The following PARP14 variants were observed in gnomAD, a reference collection of about 807,000 sequenced individuals.
PARP14 encodes the protein protein mono-ADP-ribosyltransferase PARP14.
PARP14 carries 59 observed loss-of-function variants against 154.2 expected under a neutral mutation model. The ratio of observed to expected loss-of-function variants is 0.38; its 90% confidence interval spans 0.31 to 0.48. The LOEUF (loss-of-function observed/expected upper bound fraction) is 0.48. PARP14 is among the 20% of genes least tolerant of loss of function. The pLI, the probability that PARP14 is intolerant of heterozygous loss-of-function variation, is 0.98. For missense variants in PARP14, 1,734 were observed against 2,131.6 expected (o/e 0.81, Z 3.67); for synonymous variants, 720 against 780.5 (o/e 0.92, Z 1.29).
intron 1 of PARP14, among the ~76,000 whole-genome samples, chr3:122,682,912 G>A (rs1171254811): frequency 1.3e-5 from 2 of 152,116 alleles, no homozygotes; most frequent in South Asian, 2.1e-4. Flanking sequence ...AAAATTAGCC[G>A]AGCGTGGTGG....
chr3:122,718,710 T>C lies in PARP14; in HGVS notation c.4559T>C (p.Leu1520Ser). Reference sequence around the variant, plus strand: ...GAGGCGATGATCAAGAGAGTTCGATTGGCCAAAGAACAGGAATCCCGGGCA... The same window carrying C: ...GAGGCGATGATCAAGAGAGTTCGATCGGCCAAAGAACAGGAATCCCGGGCA... ...EIEAMIKRVRLAKEQESRADC... is the reference protein window; with the variant it reads ...EIEAMIKRVRSAKEQESRADC... The change falls in exon 14 of 17, where the codon TTG (leucine) becomes TCG (serine). Residue 1520 changes from leucine (L) to serine (S), a missense_variant. Physicochemically the swap from Leu to Ser is moderately radical, Grantham distance 145 (BLOSUM62 -2). Around this residue, in one of 2 missense-constraint regions of PARP14, gnomAD observed 1,646 missense variants for 1,976.0 expected, o/e 0.83. Transcript: ENST00000474629. 2 of 1,613,568 alleles carry C rather than the reference T, an allele frequency of 1.2e-6. No homozygotes were observed. Among genetic ancestry groups the C allele is most frequent in the Non-Finnish European group, 1.7e-6 (2 of 1,179,670 alleles).
chr3:122,693,327 T>C (rs571925788), intron 4 of PARP14, among the ~76,000 whole-genome samples: 1 of 152,276 alleles, frequency 6.6e-6, no homozygotes, highest in South Asian at 2.1e-4. Context: ...AAGTACATTT[T>C]CCAATTCTAA....
At chr3:122,698,541 G>A (rs774424664) in intron 5 of PARP14, among the ~76,000 whole-genome samples, 2 of 152,184 alleles carry the variant, frequency 1.3e-5, no homozygotes, top group East Asian at 1.9e-4. Context: ...TGGTAGAGGG[G>A]CAAGAGGATG....
intron 15 of PARP14, chr3:122,720,730 C>G: frequency 4.3e-6 from 2 of 464,872 alleles, no homozygotes; most frequent in South Asian, 3.1e-5. Context: ...CTCCTTAGAT[C>G]AGGACCATGT....
intron 5 of PARP14, among the ~76,000 whole-genome samples, chr3:122,699,187 A>C (rs1181032592): frequency 6.6e-6 from 1 of 151,988 alleles, no homozygotes; most frequent in Non-Finnish European, 1.5e-5. Flanking sequence ...TACCAACATT[A>C]GTTTTTTTTA....
chr3:122,717,900 G>T (rs1933038058), intron 12 of PARP14, among the ~76,000 whole-genome samples, 171 bp from the exon 13 acceptor site: 2 of 152,180 alleles, frequency 1.3e-5, no homozygotes, highest in Admixed American at 1.3e-4. Context: ...ACACTTCATT[G>T]CATCTAGGAC....
Position 122,709,900 on chromosome 3 carries a change from TTTTG to T in PARP14, c.3619+1648_3619+1651del, listed in dbSNP as rs1553747538. On this transcript the variant is annotated intron_variant, in intron 9 of 16. Coordinates refer to ENST00000474629, the MANE Select transcript of PARP14 (RefSeq NM_017554.3). ...TTTTGATGGGATTATTTGTTTTTTT[TTTTG>T]TTTGTTTGTTTGTTTTTTCTTGCGA... Among the ~76,000 whole-genome samples the T allele has an allele frequency of 6.6e-3, 990 of 150,792 alleles. 3 individuals carry two copies. Among genetic ancestry groups the T allele is most frequent in the Non-Finnish European group, 9.4e-3 (636 of 67,602 alleles).
intron 3 of PARP14, 98 bp downstream of exon 3, chr3:122,687,211 A>C: frequency 1.2e-6 from 1 of 817,004 alleles, no homozygotes; most frequent in Non-Finnish European, 2.1e-6. Context: ...CTTGACTTCC[A>C]CTATGCAGGA....
intron 15 of PARP14, chr3:122,720,987 C>T (rs1158290260): frequency 6.1e-6 from 2 of 326,320 alleles, no homozygotes; most frequent in Non-Finnish European, 1.2e-5. Flanking sequence ...CATTTTTAAA[C>T]ATTTTTGATA....
At chr3:122,687,563 T>A (rs984765215) in intron 3 of PARP14, among the ~76,000 whole-genome samples, 3 of 152,214 alleles carry the variant, frequency 2.0e-5, no homozygotes, top group African/African-American at 2.4e-5. Context: ...TCTGTGAACA[T>A]AGGCTTTTGA....
chr3:122,688,612 C>T (rs1313191749), intron 3 of PARP14, among the ~76,000 whole-genome samples: 4 of 152,192 alleles, frequency 2.6e-5, no homozygotes, highest in African/African-American at 4.8e-5. Flanking sequence ...ACACTGATCC[C>T]TGACTATGGC....
intron 8 of PARP14, 111 bp downstream of exon 8, chr3:122,704,859 G>C: frequency 1.6e-6 from 1 of 638,686 alleles, no homozygotes. Context: ...ATTCAGGAAA[G>C]TAAGAAGGTA....
chr3:122,700,507 A>T lies in PARP14; in HGVS notation c.1953A>T (p.Val651=), dbSNP rs1458219198. 6.2e-7 allele frequency: 1 copy of T among 1,607,882 alleles called. No individual in the cohort carries two copies. Among genetic ancestry groups the T allele is most frequent in the Non-Finnish European group, 8.5e-7 (1 of 1,176,684 alleles). The change falls in exon 6 of 17, where the codon GTA becomes GTT. Residue 651 remains valine (V), a synonymous_variant. Transcript: ENST00000474629. ...CTGAAGTCATCATTACAGGCTGTGTAAAAGAAGTAAATGAAACCTATAAAT... is the reference window on the plus strand; with the variant it reads ...CTGAAGTCATCATTACAGGCTGTGTTAAAGAAGTAAATGAAACCTATAAAT... The part of the protein sequence containing the change: ...TTAEVIITGC[V]KEVNETYKLL...
chr3:122,719,043 A>C (rs1933081598), intron 14 of PARP14, 85 bp downstream of exon 14: 2 of 1,263,748 alleles, frequency 1.6e-6, no homozygotes, highest in African/African-American at 3.0e-5. Context: ...CAGAATTTCA[A>C]ATTGGAAAAA....
chr3:122,720,340 G>T lies in PARP14; in HGVS notation c.4893G>T (p.Thr1631=). 1 of 1,612,880 alleles carries T rather than the reference G, an allele frequency of 6.2e-7. No homozygotes were observed. ...TGCCTAGTGATCCTGAGTACAACAC[G>T]GTGGCAAGCAAGTTTAATCAGACCT... ...ELLPSDPEYN[T]VASKFNQTCS... The change falls in exon 15 of 17, where the codon ACG becomes ACT. Residue 1631 remains threonine (T), a synonymous_variant. Transcript: ENST00000474629.
At chr3:122,693,781 C>T (rs566189212) in intron 4 of PARP14, among the ~76,000 whole-genome samples, 2 of 150,016 alleles carry the variant, frequency 1.3e-5, no homozygotes, top group East Asian at 3.9e-4. Context: ...GCAGAGATTG[C>T]AGTGAGCCAA....
chr3:122,684,949 C>G (rs1938323177), intron 1 of PARP14, among the ~76,000 whole-genome samples: 1 of 152,080 alleles, frequency 6.6e-6, no homozygotes, highest in African/African-American at 2.4e-5. Context: ...AAAACTGAGG[C>G]CTTATAAGTA....
intron 5 of PARP14, 84 bp downstream of exon 5, chr3:122,695,746 G>A: frequency 1.5e-6 from 1 of 649,314 alleles, no homozygotes; most frequent in Non-Finnish European, 2.7e-6. Flanking sequence ...GTTCTGATGT[G>A]TTTTATTTGT....
At chr3:122,713,845 T>G (rs1302586887) in intron 10 of PARP14, 27 bp from the exon 11 acceptor site, 2 of 1,531,218 alleles carry the variant, frequency 1.3e-6, no homozygotes, top group Admixed American at 3.3e-5. Flanking sequence ...TACTCATGTT[T>G]GTTATCATCT....
Sources: allele counts gnomAD v4.1 joint callset (sites outside exome capture counted in the v4.1 genomes callset), GRCh38; gene constraint gnomAD v4.1.1; regional missense constraint gnomAD v4.1.1; transcripts MANE v1.5; gene names NCBI Gene and HGNC (gene_info 2026-07-23, HGNC 2026-07-21).